Variants in SERPINI2 observed in about 807,000 individuals in gnomAD.
SERPINI2 encodes serpin family I member 2.
In SERPINI2, 48 loss-of-function variants were observed where a neutral mutation model predicts 47.3. That is an observed-to-expected ratio of 1.02 (90% CI 0.81 to 1.29). SERPINI2 has a LOEUF of 1.29. SERPINI2 is among the 50% of genes most tolerant of loss of function. The pLI is 0.00. For synonymous variants in SERPINI2, 135 were observed against 149.3 expected (o/e 0.90, Z 0.70); for missense variants, 448 against 456.9 (o/e 0.98, Z 0.18).
Position 167,452,913 on chromosome 3 carries a change from A to G in SERPINI2, c.964+23T>C, listed in dbSNP as rs1749679983. 7 of 1,421,228 alleles carry G rather than the reference A, an allele frequency of 4.9e-6. No homozygotes were observed. In the South Asian group the frequency reaches 6.2e-5, roughly 13 times the overall value. The allele number at this position is 1,421,228 out of a possible 1,614,324, so 88.0% of individuals were successfully genotyped here. A position where few individuals can be genotyped will look rare whatever the true frequency, so the allele number is the denominator to read the frequency against. ...TAACAAAACAAATTAACATCATAAT[A>G]TAAGAATTATTTATCATACTACCTG... On this transcript the variant is annotated intron_variant, in intron 6 of 8. Transcript: ENST00000264677.
intron 5 of SERPINI2, 21 bp from the exon 6 acceptor site, chr3:167,453,054 AAAAG>A (rs1355307646): frequency 1.4e-6 from 2 of 1,405,074 alleles, no homozygotes; most frequent in Admixed American, 2.1e-5. Context: ...AAAAAAAAGA[AAAAG>A]AAAAGTCTTG....
At chr3:167,450,904 C>T (rs1749623187) in intron 6 of SERPINI2, among the ~76,000 whole-genome samples, 1 of 152,126 alleles carries the variant, frequency 6.6e-6, no homozygotes, top group African/African-American at 2.4e-5. Flanking sequence ...AAAGCCCAGT[C>T]TTAGGAAAAG....
chr3:167,471,541 G>C, intron 2 of SERPINI2, 47 bp downstream of exon 2: 1 of 1,471,220 alleles, frequency 6.8e-7, no homozygotes, highest in Non-Finnish European at 9.1e-7. Context: ...AAAAATGAAT[G>C]CGTCCATATC....
intron 1 of SERPINI2, 78 bp downstream of exon 1, chr3:167,473,925 C>T (rs181711067): frequency 2.3e-5 from 27 of 1,174,562 alleles, no homozygotes; most frequent in Non-Finnish European, 2.9e-5. Flanking sequence ...AATGCCATTC[C>T]ATACTCTACT....
At chr3:167,464,034 T>C (rs1750062562) in intron 5 of SERPINI2, among the ~76,000 whole-genome samples, 1 of 135,486 alleles carries the variant, frequency 7.4e-6, no homozygotes, top group African/African-American at 2.9e-5. Flanking sequence ...TTTTTTTGGA[T>C]ACTGGGTCTC....
intron 5 of SERPINI2, among the ~76,000 whole-genome samples, chr3:167,453,514 T>C (rs1432596883): frequency 6.6e-6 from 1 of 152,158 alleles, no homozygotes; most frequent in African/African-American, 2.4e-5. Context: ...AACCCATCAT[T>C]CATCTCGCCC....
At chr3:167,473,744 G>T (rs1420980806) in intron 1 of SERPINI2, 1 of 1,481,064 alleles carries the variant, frequency 6.8e-7, no homozygotes, top group Non-Finnish European at 9.0e-7. Context: ...TACCTCATCA[G>T]GTTTTGGATC....
intron 7 of SERPINI2, among the ~76,000 whole-genome samples, chr3:167,447,502 T>G (rs114843909): frequency 3.0e-4 from 46 of 152,342 alleles, no homozygotes; most frequent in Non-Finnish European, 5.3e-4. Flanking sequence ...TTGATTCATC[T>G]ACCTTCTCTT....
intron 2 of SERPINI2, among the ~76,000 whole-genome samples, chr3:167,470,550 CTTTTT>C (rs536884425): frequency 2.1e-5 from 2 of 93,046 alleles, no homozygotes; most frequent in Non-Finnish European, 1.9e-5. Context: ...TGAGCAACAA[CTTTTT>C]TTTTTTTTTT....
At chr3:167,463,168 T>C (rs116401417) in intron 5 of SERPINI2, among the ~76,000 whole-genome samples, 7,575 of 152,076 alleles carry the variant, frequency 0.05, 619 homozygotes, top group African/African-American at 0.17. Context: ...AAAGTGATCA[T>C]TTCAAAGCTA....
At chr3:167,455,874 G>A (rs912981733) in intron 5 of SERPINI2, among the ~76,000 whole-genome samples, 7 of 152,104 alleles carry the variant, frequency 4.6e-5, no homozygotes, top group African/African-American at 7.2e-5. Flanking sequence ...AGAACTCTAC[G>A]ATGAGCACAG....
chr3:167,445,496 G>T (rs73032505), intron 8 of SERPINI2, among the ~76,000 whole-genome samples: 1 of 152,106 alleles, frequency 6.6e-6, no homozygotes, highest in East Asian at 1.9e-4. Context: ...GAAAGGACAA[G>T]CAACTTGTTT....
intron 8 of SERPINI2, among the ~76,000 whole-genome samples, chr3:167,446,027 G>C (rs1749468721): frequency 1.3e-5 from 2 of 152,142 alleles, no homozygotes; most frequent in South Asian, 4.1e-4. Context: ...ATCATACACA[G>C]ACAGTTGACC....
chr3:167,457,741 TAAAC>T (rs1220748187), intron 5 of SERPINI2, among the ~76,000 whole-genome samples: 1 of 152,170 alleles, frequency 6.6e-6, no homozygotes, highest in Non-Finnish European at 1.5e-5. Flanking sequence ...GAGGGGAAGA[TAAAC>T]AATTCATTTT....
intron 7 of SERPINI2, among the ~76,000 whole-genome samples, chr3:167,448,014 T>C (rs994778208): frequency 6.6e-6 from 1 of 152,356 alleles, no homozygotes; most frequent in Admixed American, 6.5e-5. Flanking sequence ...ATTGAAATGA[T>C]AAATAGCTTT....
exon 9 of SERPINI2, chr3:167,442,033 A>G (rs1418566369): frequency 2.3e-5 from 26 of 1,145,272 alleles, no homozygotes; most frequent in Non-Finnish European, 2.9e-5. Context: ...TAGAGCAAAT[A>G]TTGTCAAGAT....
chr3:167,476,270 G>T (rs1436205940), upstream of SERPINI2, among the ~76,000 whole-genome samples: 2 of 151,810 alleles, frequency 1.3e-5, no homozygotes, highest in Non-Finnish European at 3.0e-5. Context: ...CCTGCTACCT[G>T]CCTAGAAAAT....
At chr3:167,457,591 C>A (rs745365217) in intron 5 of SERPINI2, among the ~76,000 whole-genome samples, 2 of 152,172 alleles carry the variant, frequency 1.3e-5, no homozygotes, top group Non-Finnish European at 2.9e-5. Context: ...CCCTCTTTAA[C>A]AAATCCAGGT....
At chr3:167,476,832 TGAGGGATG>T (rs1211869247), upstream of SERPINI2, among the ~76,000 whole-genome samples, 2 of 152,040 alleles carry the variant, frequency 1.3e-5, no homozygotes, top group African/African-American at 4.8e-5. Flanking sequence ...AATACTTACA[TGAGGGATG>T]GACGGATCAG....
Sources: gnomAD v4.1 joint callset for allele counts (sites outside exome capture counted in the v4.1 genomes callset) on GRCh38, gnomAD v4.1.1 for gene constraint, MANE v1.5 for transcripts, NCBI Gene and HGNC (gene_info 2026-07-23, HGNC 2026-07-21) for gene names.